FHIT: variants seen among roughly 807,000 people sequenced by gnomAD.
FHIT encodes the protein bis(5'-adenosyl)-triphosphatase.
FHIT carries 19 observed loss-of-function variants against 17.9 expected under a neutral mutation model. That is an observed-to-expected ratio of 1.06 (90% CI 0.74 to 1.56). FHIT has a LOEUF of 1.56. FHIT is among the 40% of genes most tolerant of loss of function. The pLI is 0.00. For missense variants in FHIT, 248 were observed against 189.2 expected (o/e 1.31, Z -1.82); for synonymous variants, 81 against 69.7 (o/e 1.16, Z -0.81).
chr3:59,830,823 A>G (rs902954806), intron 8 of FHIT, among the ~76,000 whole-genome samples: 41 of 152,360 alleles, frequency 2.7e-4, no homozygotes, highest in Admixed American at 2.4e-3. Flanking sequence ...AATTGTGCAC[A>G]GCAGCCAACC....
intron 5 of FHIT, among the ~76,000 whole-genome samples, chr3:60,125,435 C>A (rs1249707703): frequency 6.6e-6 from 1 of 151,908 alleles, no homozygotes; most frequent in Non-Finnish European, 1.5e-5. Context: ...AGTTTGAGAC[C>A]AGCCTGGCCA....
At chr3:59,800,592 A>G (rs931428171) in intron 8 of FHIT, among the ~76,000 whole-genome samples, 1 of 152,220 alleles carries the variant, frequency 6.6e-6, no homozygotes. Context: ...CCACCGTCTA[A>G]CAGCTAATTT....
chr3:60,584,165 A>G (rs1019100540), intron 4 of FHIT, among the ~76,000 whole-genome samples: 1 of 151,950 alleles, frequency 6.6e-6, no homozygotes, highest in Non-Finnish European at 1.5e-5. Flanking sequence ...TCATAGAAGA[A>G]CTCATTATAT....
chr3:60,026,805 A>AT, intron 5 of FHIT, among the ~76,000 whole-genome samples: 1 of 152,258 alleles, frequency 6.6e-6, no homozygotes, highest in South Asian at 2.1e-4. Context: ...TAATGTTTAA[A>AT]TTAGTAGATC....
chr3:60,518,895 C>G (rs565988174), intron 5 of FHIT, among the ~76,000 whole-genome samples: 1 of 152,204 alleles, frequency 6.6e-6, no homozygotes, highest in African/African-American at 2.4e-5. Flanking sequence ...CCCAGCTACT[C>G]AAGAGGCTGA....
At chr3:60,324,978 T>G (rs947359095) in intron 5 of FHIT, among the ~76,000 whole-genome samples, 4 of 152,188 alleles carry the variant, frequency 2.6e-5, no homozygotes, top group African/African-American at 9.7e-5. Context: ...TCTAGATATT[T>G]CTGAAGGTTT....
chr3:61,022,135 T>C (rs1443583820), intron 3 of FHIT, among the ~76,000 whole-genome samples: 2 of 151,936 alleles, frequency 1.3e-5, no homozygotes, highest in African/African-American at 4.8e-5. Flanking sequence ...AAGAATCAAA[T>C]AGACACAACA....
At chr3:61,137,569 A>T (rs765320523) in intron 2 of FHIT, among the ~76,000 whole-genome samples, 2 of 152,186 alleles carry the variant, frequency 1.3e-5, no homozygotes, top group African/African-American at 4.8e-5. Context: ...TAATGTAAAG[A>T]TACCTGGGGC....
intron 5 of FHIT, among the ~76,000 whole-genome samples, chr3:60,381,977 A>C (rs199551855): frequency 6.6e-6 from 1 of 152,228 alleles, no homozygotes; most frequent in Non-Finnish European, 1.5e-5. Flanking sequence ...AATTAAATAA[A>C]TTAAAAATTC....
intron 5 of FHIT, among the ~76,000 whole-genome samples, chr3:60,143,282 C>T (rs1700114406): frequency 1.3e-5 from 2 of 152,176 alleles, no homozygotes; most frequent in Admixed American, 6.5e-5. Flanking sequence ...TATTTCCCCA[C>T]CTCTTCAGTC....
intron 5 of FHIT, among the ~76,000 whole-genome samples, chr3:60,088,842 A>G (rs1703610051): frequency 6.6e-6 from 1 of 152,226 alleles, no homozygotes; most frequent in Admixed American, 6.5e-5. Flanking sequence ...TTGCTTTTTT[A>G]TGCCCAGAAC....
At chr3:61,199,203 T>A (rs1424438776) in intron 2 of FHIT, among the ~76,000 whole-genome samples, 1 of 152,066 alleles carries the variant, frequency 6.6e-6, no homozygotes, top group Non-Finnish European at 1.5e-5. Flanking sequence ...TCATTGAGAA[T>A]AAAGAAAATG....
intron 4 of FHIT, among the ~76,000 whole-genome samples, chr3:60,655,025 G>A (rs2107813383): frequency 6.6e-6 from 1 of 152,264 alleles, no homozygotes; most frequent in East Asian, 1.9e-4. Context: ...TTTAGAAGTG[G>A]CAAGCCCAAT....
At position 60,127,626 on chromosome 3, in the gene FHIT, G is replaced by A. The variant is rs58600379; in HGVS notation, c.104-113474C>T. On this transcript the variant is annotated intron_variant, in intron 5 of 9. Coordinates refer to ENST00000492590, the MANE Select transcript of FHIT (RefSeq NM_002012.4). ...TTTTATATCTATTTTTTTGGAGAAAGGGTCTCACTCTGTCACCCTGGCTGG... is the reference window on the plus strand; with the variant it reads ...TTTTATATCTATTTTTTTGGAGAAAAGGTCTCACTCTGTCACCCTGGCTGG... 5.3e-3 allele frequency among the ~76,000 whole-genome samples: 803 copies of A among 152,052 alleles called. 4 individuals are homozygous for A. The highest frequency in any genetic ancestry group is 0.017 in the African/African-American group (723 of 41,470).
At chr3:61,239,649 C>CAGTGCTG (rs1308874106) in intron 1 of FHIT, among the ~76,000 whole-genome samples, 3 of 151,518 alleles carry the variant, frequency 2.0e-5, no homozygotes, top group Non-Finnish European at 4.4e-5. Flanking sequence ...TCCATGAGGG[C>CAGTGCTG]AGTGCTGATA....
chr3:59,970,988 A>G (rs1708152886), intron 7 of FHIT, among the ~76,000 whole-genome samples: 1 of 151,958 alleles, frequency 6.6e-6, no homozygotes, highest in Non-Finnish European at 1.5e-5. Flanking sequence ...ACTTCAGAAT[A>G]TGTGTGGACT....
chr3:59,949,597 C>T (rs577351291), intron 7 of FHIT, among the ~76,000 whole-genome samples: 4 of 152,362 alleles, frequency 2.6e-5, no homozygotes, highest in Admixed American at 2.0e-4. Flanking sequence ...TACACACACT[C>T]AGATGTGTTA....
chr3:60,644,632 A>G (rs2039810798), intron 4 of FHIT, among the ~76,000 whole-genome samples: 2 of 152,174 alleles, frequency 1.3e-5, no homozygotes, highest in South Asian at 4.1e-4. Flanking sequence ...AGGTGGTAAT[A>G]ATCTTCCTTT....
intron 7 of FHIT, among the ~76,000 whole-genome samples, chr3:59,986,540 T>TATATACACAC (rs1473518719): frequency 2.4e-4 from 3 of 12,442 alleles, no homozygotes; most frequent in African/African-American, 1.1e-3. Flanking sequence ...TATATATATA[T>TATATACACAC]ACACACACAC....
Sources: gnomAD v4.1 joint callset for allele counts (sites outside exome capture counted in the v4.1 genomes callset) on GRCh38, gnomAD v4.1.1 for gene constraint, MANE v1.5 for transcripts, NCBI Gene and HGNC (gene_info 2026-07-23, HGNC 2026-07-21) for gene names.